Variants in CYP27C1 observed in about 807,000 individuals in gnomAD.
CYP27C1 encodes the protein cytochrome P450 family 27 subfamily C member 1.
Under a neutral mutation model 40.6 loss-of-function variants are expected in CYP27C1, and 29 were observed. The ratio of observed to expected loss-of-function variants is 0.71; its 90% CI spans 0.53 to 0.97. CYP27C1 has a LOEUF of 0.97. Among genes scored for constraint, CYP27C1 ranks in the 50% least tolerant of loss-of-function variants. The pLI is 0.00. For synonymous variants in CYP27C1, 198 were observed against 186.8 expected, an observed-to-expected ratio of 1.06 and a Z score of -0.49; for missense variants, 390 against 485.8, an observed-to-expected ratio of 0.80 and a Z score of 1.85.
In CYP27C1 at chr2:127,209,838, C is replaced by T. The variant is rs140319542; in HGVS notation, c.283-3748G>A. ...AGAAAAAAGAATGAAAAGGAATAAA[C>T]AAAGCCTCAAAGAAATATGGGACTT... is the stretch of plus-strand genomic sequence containing the variant. On this transcript the variant is annotated intron_variant, in intron 1 of 8. Coordinates refer to ENST00000664447, the MANE Select transcript of CYP27C1 (RefSeq NM_001367502.1). The surrounding 1 kb of genome is among the most constrained non-coding windows in gnomAD (Gnocchi z 4.1). Among the ~76,000 whole-genome samples, 1,770 of 152,248 alleles carry T rather than the reference C, an allele frequency of 0.012. 33 individuals carry two copies. The highest frequency in any genetic ancestry group is 0.041 in the African/African-American group (1,684 of 41,546).
Position 127,201,090 on chromosome 2 carries a change from TC to T in CYP27C1, c.883+31del. The T allele has an allele frequency of 1.9e-6, 3 of 1,604,170 alleles. No homozygotes were observed. The highest frequency in any genetic ancestry group is 2.6e-6 in the Non-Finnish European group (3 of 1,173,552). On this transcript the variant is annotated intron_variant, in intron 4 of 8. Transcript: ENST00000664447. This position sits in a 1 kb window ranked among gnomAD's most constrained non-coding sequence, Gnocchi z 6.0. ...ACACAACACGGCAGGTCAACCTGCT[TC>T]TGCAAAAGGTGCTCTCAATTCTTCT...
At position 127,195,997 on chromosome 2, in the gene CYP27C1, C is replaced by T. The variant is rs745530316; in HGVS notation, c.1048-496G>A. 8.5e-5 allele frequency among the ~76,000 whole-genome samples: 13 copies of T among 152,092 alleles called. No individual in the cohort carries two copies. The highest frequency in any genetic ancestry group is 2.1e-4 in the South Asian group (1 of 4,814). On this transcript the variant is annotated intron_variant, in intron 5 of 8. Transcript: ENST00000664447. This position sits in a 1 kb window ranked among gnomAD's most constrained non-coding sequence, Gnocchi z 6.2. ...GCACAGGAGATCACTAGTTAGCCAT[C>T]GTGTCCTGCCTTCATCAAGTAAGGT...
chr2:127,192,409 TC>T (rs759265380), intron 8 of CYP27C1, among the ~76,000 whole-genome samples: 1 of 152,196 alleles, frequency 6.6e-6, no homozygotes, highest in South Asian at 2.1e-4. Context: ...TTATAAAATT[TC>T]CTTCAGGTGT....
In CYP27C1 at chr2:127,187,187, TCTC is replaced by T; in HGVS notation, c.*81_*83del. On this transcript the variant is annotated 3_prime_UTR_variant, in exon 9 of 9. Transcript: ENST00000664447. ...CAGCCTTTAGCGACATCGCTTTCCT[TCTC>T]CACGGTGATCAGCGAACACAAATAC... 1 of 1,100,150 alleles carries T rather than the reference TCTC, an allele frequency of 9.1e-7. No homozygotes were observed. Among genetic ancestry groups the T allele is most frequent in the African/African-American group, 2.2e-5 (1 of 44,816 alleles). The allele number at this position is 1,100,150 out of a possible 1,614,324, so 68.1% of individuals were successfully genotyped here.
At chr2:127,202,383 C>T (rs1683055467) in intron 3 of CYP27C1, among the ~76,000 whole-genome samples, 1 of 152,194 alleles carries the variant, frequency 6.6e-6, no homozygotes, top group Admixed American at 6.5e-5. Context: ...GCCTCGGCCT[C>T]CCAAAGTGCT....
chr2:127,211,271 T>A (rs1419693590), intron 1 of CYP27C1, among the ~76,000 whole-genome samples: 1 of 149,962 alleles, frequency 6.7e-6, no homozygotes, highest in East Asian at 1.9e-4. Flanking sequence ...GGGTAAATAA[T>A]GAAATTAAAG....
chr2:127,208,520 GGCTGCCT>G lies in CYP27C1; in HGVS notation c.283-2437_283-2431del, dbSNP rs1227875816. Among the ~76,000 whole-genome samples the G allele has an allele frequency of 6.6e-6, 1 of 152,216 alleles. No individual in the cohort carries two copies. Among genetic ancestry groups the G allele is most frequent in the East Asian group, 1.9e-4 (1 of 5,202 alleles). On this transcript the variant is annotated intron_variant, in intron 1 of 8. Coordinates refer to ENST00000664447, the MANE Select transcript of CYP27C1 (RefSeq NM_001367502.1). This position sits in a 1 kb window ranked among gnomAD's most constrained non-coding sequence, Gnocchi z 5.2. ...GGGATGGGCGACCAGCACCAGCTGC[GGCTGCCT>G]GCTGTCTAAGTAATTTGAGCTCCTT...
At chr2:127,203,351 C>A in intron 3 of CYP27C1, 21 bp downstream of exon 3, 1 of 1,608,286 alleles carries the variant, frequency 6.2e-7, no homozygotes, top group South Asian at 1.1e-5. Context: ...CCCTCCTTCC[C>A]ACCTGCTGAT....
At chr2:127,210,754 CA>C (rs1404389767) in intron 1 of CYP27C1, among the ~76,000 whole-genome samples, 4 of 149,474 alleles carry the variant, frequency 2.7e-5, no homozygotes, top group Non-Finnish European at 5.9e-5. Flanking sequence ...CAACAAAGAT[CA>C]AAAAAGACAA....
At position 127,220,189 on chromosome 2, in the gene CYP27C1, G is replaced by A. The variant is rs1405082165; in HGVS notation, c.82C>T (p.Arg28Trp). Residue 28 changes from arginine to tryptophan, a missense_variant, in exon 1 of 9, where the codon CGG (arginine) becomes TGG (tryptophan). Physicochemically the swap from Arg to Trp is moderately radical, Grantham distance 101. Coordinates refer to ENST00000664447, the MANE Select transcript of CYP27C1 (RefSeq NM_001367502.1). This position sits in a 1 kb window ranked among gnomAD's most constrained non-coding sequence, Gnocchi z 4.6. ...CGTGCGCCCGCGGGTTGAGGCCGCC[G>A]CGGGGCCCCGCCGCCCAGGAGCCCA... ...RGGLLGGGAP[R>W]RPQPAGARLP... 2.0e-5 allele frequency: 3 copies of A among 149,608 alleles called. No individual in the cohort carries two copies. Among genetic ancestry groups the A allele is most frequent in the African/African-American group, 7.3e-5 (3 of 41,122 alleles). 9.3% of individuals were successfully genotyped at this position (149,608 alleles called of 1,614,324 possible). A position where few individuals can be genotyped will look rare whatever the true frequency, so the allele number is the denominator to read the frequency against.
chr2:127,203,272 G>A, intron 3 of CYP27C1, 100 bp downstream of exon 3: 1 of 1,382,336 alleles, frequency 7.2e-7, no homozygotes, highest in South Asian at 1.4e-5. Flanking sequence ...CCCAGACTTA[G>A]CACACTGCCT....
rs1007637149 is a variant in CYP27C1 at position 127,200,958 on chromosome 2, G to A, written c.883+164C>T. ...AGCATGGGCGACAGAGCCAGACTCC[G>A]TCTCAAAAAAAAAAAAAATCCAAAA... On this transcript the variant is annotated intron_variant, in intron 4 of 8. Transcript: ENST00000664447. This position sits in a 1 kb window ranked among gnomAD's most constrained non-coding sequence, Gnocchi z 4.2. 2.7e-5 allele frequency among the ~76,000 whole-genome samples: 4 copies of A among 150,028 alleles called. No homozygotes were observed. The highest frequency in any genetic ancestry group is 7.4e-5 in the African/African-American group (3 of 40,694).
chr2:127,190,284 A>G (rs1682734403), intron 8 of CYP27C1, among the ~76,000 whole-genome samples: 1 of 149,440 alleles, frequency 6.7e-6, no homozygotes, highest in South Asian at 2.1e-4. Context: ...ACTCCTGTCT[A>G]TACAGTTGTG....
chr2:127,188,802 A>G (rs1048614840), intron 8 of CYP27C1, among the ~76,000 whole-genome samples: 7 of 152,198 alleles, frequency 4.6e-5, no homozygotes, highest in African/African-American at 1.7e-4. Flanking sequence ...TCTTTAAGGT[A>G]TCTCTTTTAA....
At position 127,218,011 on chromosome 2, in the gene CYP27C1, C is replaced by T. The variant is rs1683466860; in HGVS notation, c.282+1978G>A. ...AACTTTTTCCTTTATTTCTTTTACTCTCCAGGTCCTGTGTGCGCTTGGTGA... is the reference window on the plus strand; with the variant it reads ...AACTTTTTCCTTTATTTCTTTTACTTTCCAGGTCCTGTGTGCGCTTGGTGA... On this transcript the variant is annotated intron_variant, in intron 1 of 8. Transcript: ENST00000664447. The surrounding 1 kb of genome is among the most constrained non-coding windows in gnomAD (Gnocchi z 6.0). Among the ~76,000 whole-genome samples, 7 of 152,160 alleles carry T rather than the reference C, an allele frequency of 4.6e-5. No homozygotes were observed. Among genetic ancestry groups the T allele is most frequent in the Admixed American group, 4.6e-4 (7 of 15,276 alleles).
chr2:127,197,387 T>C (rs1682927957), intron 5 of CYP27C1, among the ~76,000 whole-genome samples: 1 of 152,204 alleles, frequency 6.6e-6, no homozygotes, highest in Non-Finnish European at 1.5e-5. Context: ...GATATTACAA[T>C]AAAAATAAAG....
intron 6 of CYP27C1, among the ~76,000 whole-genome samples, chr2:127,194,842 CT>C (rs762311494): frequency 1.4e-3 from 194 of 139,626 alleles, no homozygotes; most frequent in Admixed American, 1.7e-3. Context: ...GATCTTTTTT[CT>C]TTTTTTTTTT....
At chr2:127,202,564 T>C (rs1367988674) in intron 3 of CYP27C1, among the ~76,000 whole-genome samples, 1 of 152,190 alleles carries the variant, frequency 6.6e-6, no homozygotes, top group African/African-American at 2.4e-5. Flanking sequence ...GACATATACA[T>C]GAGAGACTAG....
intron 1 of CYP27C1, among the ~76,000 whole-genome samples, chr2:127,211,991 C>T (rs1377238979): frequency 6.6e-6 from 1 of 152,056 alleles, no homozygotes; most frequent in Non-Finnish European, 1.5e-5. Context: ...GGGATATCAC[C>T]ACTGACCCCA....
Sources: allele counts gnomAD v4.1 joint callset (sites outside exome capture counted in the v4.1 genomes callset), GRCh38; gene constraint gnomAD v4.1.1; non-coding constraint Gnocchi (gnomAD v3.1); transcripts MANE v1.5; gene names NCBI Gene and HGNC (gene_info 2026-07-23, HGNC 2026-07-21).